The following SIK3 variants were observed in gnomAD, a reference collection of about 807,000 sequenced individuals.
SIK3 encodes serine/threonine-protein kinase SIK3.
In SIK3, 28 loss-of-function variants were observed where a neutral mutation model predicts 144.2. That is an observed-to-expected ratio of 0.19 (90% CI 0.14 to 0.27). The LOEUF (loss-of-function observed/expected upper bound fraction) is 0.27, where lower values mean the gene tolerates loss of function less well. SIK3 is among the 10% of genes least tolerant of loss of function. The probability of loss-of-function intolerance (pLI) is 1.00; values close to 1 mark genes in which losing one functional copy is unlikely to be tolerated. For synonymous variants in SIK3, 686 were observed against 676.3 expected, an observed-to-expected ratio of 1.01 and a Z score of -0.22; for missense variants, 1,319 against 1,776.0, an observed-to-expected ratio of 0.74 and a Z score of 4.62.
chr11:117,025,737 T>C (rs942284208), intron 1 of SIK3, among the ~76,000 whole-genome samples: 1 of 152,186 alleles, frequency 6.6e-6, no homozygotes, highest in African/African-American at 2.4e-5. Context: ...CAGCCTATAC[T>C]TTCTTTAAAA....
intron 15 of SIK3, 33 bp from the exon 16 acceptor site, chr11:116,863,851 G>C: frequency 1.3e-6 from 2 of 1,548,702 alleles, no homozygotes; most frequent in Non-Finnish European, 1.7e-6. Context: ...TTAGAGGCTA[G>C]GACTCAGGGG....
chr11:117,089,109 TAAGAGTAAGA>T (rs906107981), intron 1 of SIK3, among the ~76,000 whole-genome samples: 1 of 151,904 alleles, frequency 6.6e-6, no homozygotes, highest in African/African-American at 2.4e-5. Flanking sequence ...TAAATGTTTA[TAAGAGTAAGA>T]AGCTGGCCGG....
chr11:117,061,329 T>TTG (rs1293841063), intron 1 of SIK3, among the ~76,000 whole-genome samples: 7 of 151,804 alleles, frequency 4.6e-5, no homozygotes, highest in East Asian at 3.9e-4. Flanking sequence ...ATAATGTCTG[T>TTG]TGTGTGTGTG....
intron 15 of SIK3, chr11:116,865,090 C>G (rs1276674175): frequency 6.6e-6 from 1 of 152,172 alleles, no homozygotes; most frequent in Non-Finnish European, 1.5e-5. Context: ...AATCCAGGAA[C>G]AGGGATCATG....
intron 21 of SIK3, chr11:116,857,073 C>T (rs1469971692): frequency 6.6e-6 from 1 of 152,136 alleles, no homozygotes; most frequent in African/African-American, 2.4e-5. Context: ...TGATCTCCTT[C>T]AGAATGATAA....
rs566567224 is a variant in SIK3 at position 116,990,058 on chromosome 11, G to A, written c.274-32994C>T. ...TTCTCACTCAGAAAAAAATAAGCTT[G>A]GAACAGTAGACCTTCTGTGAGAAGG... On this transcript the variant is annotated intron_variant, in intron 1 of 24. Transcript: ENST00000445177. Among the ~76,000 whole-genome samples, 76 of 152,204 alleles carry A rather than the reference G, an allele frequency of 5.0e-4. 5 individuals are homozygous for A. In the South Asian group the frequency reaches 0.016, roughly 31 times the overall value.
chr11:117,065,802 G>A (rs1953984123), intron 1 of SIK3, among the ~76,000 whole-genome samples: 1 of 151,752 alleles, frequency 6.6e-6, no homozygotes, highest in African/African-American at 2.4e-5. Context: ...GCTAATTTTT[G>A]TATTTTCAGT....
intron 1 of SIK3, among the ~76,000 whole-genome samples, chr11:117,082,760 T>C (rs1954842796): frequency 6.6e-6 from 1 of 152,194 alleles, no homozygotes; most frequent in Admixed American, 6.5e-5. Flanking sequence ...CTGTATGGTC[T>C]GTGAAATGTA....
intron 3 of SIK3, among the ~76,000 whole-genome samples, chr11:116,933,515 G>A (rs1947739236): frequency 6.6e-6 from 1 of 152,220 alleles, no homozygotes; most frequent in African/African-American, 2.4e-5. Context: ...TTCACCTACT[G>A]AAGGACATTT....
intron 1 of SIK3, among the ~76,000 whole-genome samples, chr11:116,964,121 A>C (rs1044594004): frequency 6.6e-6 from 1 of 151,884 alleles, no homozygotes; most frequent in Non-Finnish European, 1.5e-5. Context: ...CCATTCTCTC[A>C]CCTCAGCCTT....
At chr11:116,882,780 G>C (rs1256949948) in intron 6 of SIK3, among the ~76,000 whole-genome samples, 2 of 152,156 alleles carry the variant, frequency 1.3e-5, no homozygotes, top group Admixed American at 1.3e-4. Context: ...CCCAGCCCAA[G>C]AGTTCTATAT....
rs1056515964 is a variant in SIK3 at position 116,912,178 on chromosome 11, A to C, written c.617-14861T>G. Among the ~76,000 whole-genome samples, 7 of 152,334 alleles carry C rather than the reference A, an allele frequency of 4.6e-5. No homozygotes were observed. The South Asian group carries it at 1.2e-3, about 27-fold the overall frequency. ...CTCTTAATACAGAGCAGGAGACTTT[A>C]ATTTGAACCATATGACTGTCTTCTA... is the stretch of plus-strand genomic sequence containing the variant. On this transcript the variant is annotated intron_variant, in intron 4 of 24. Coordinates refer to ENST00000445177, the MANE Select transcript of SIK3 (RefSeq NM_001366686.3).
At chr11:117,073,034 A>G (rs911267256) in intron 1 of SIK3, among the ~76,000 whole-genome samples, 25 of 152,166 alleles carry the variant, frequency 1.6e-4, no homozygotes, top group Non-Finnish European at 7.4e-5. Context: ...GATCCTCCAG[A>G]TAACACCCTC....
chr11:117,035,116 T>C (rs571611263), intron 1 of SIK3, among the ~76,000 whole-genome samples: 5 of 152,212 alleles, frequency 3.3e-5, no homozygotes, highest in Non-Finnish European at 7.3e-5. Flanking sequence ...TAATCCAAAA[T>C]GCTTTTTTCA....
chr11:116,887,505 C>A (rs1358328259), intron 6 of SIK3, among the ~76,000 whole-genome samples: 1 of 151,506 alleles, frequency 6.6e-6, no homozygotes, highest in African/African-American at 2.4e-5. Flanking sequence ...TAGTCCCAGC[C>A]ACCCAGGAGG....
intron 22 of SIK3, among the ~76,000 whole-genome samples, chr11:116,847,897 A>G (rs1942113302): frequency 6.6e-6 from 1 of 152,232 alleles, no homozygotes; most frequent in African/African-American, 2.4e-5. Context: ...TTTCTGACCT[A>G]TCCCCATCTC....
At chr11:117,054,454 A>G (rs1220561095) in intron 1 of SIK3, among the ~76,000 whole-genome samples, 1 of 152,214 alleles carries the variant, frequency 6.6e-6, no homozygotes, top group African/African-American at 2.4e-5. Flanking sequence ...CAGGTAAGAG[A>G]GACCCATCAG....
intron 1 of SIK3, among the ~76,000 whole-genome samples, chr11:117,048,087 T>C (rs1038649548): frequency 6.6e-6 from 1 of 152,218 alleles, no homozygotes; most frequent in African/African-American, 2.4e-5. Flanking sequence ...GATTTATTTC[T>C]AAAACCTTAA....
intron 1 of SIK3, among the ~76,000 whole-genome samples, chr11:117,081,556 G>A (rs1216486376): frequency 6.6e-6 from 1 of 152,114 alleles, no homozygotes; most frequent in Non-Finnish European, 1.5e-5. Flanking sequence ...CCTGGGAGGC[G>A]GAGCTTGCAG....
Sources: allele counts gnomAD v4.1 joint callset (sites outside exome capture counted in the v4.1 genomes callset), GRCh38; gene constraint gnomAD v4.1.1; transcripts MANE v1.5; gene names NCBI Gene and HGNC (gene_info 2026-07-23, HGNC 2026-07-21).